The following RBFOX1 variants were observed in gnomAD, a reference collection of about 807,000 sequenced individuals.
RBFOX1 encodes the protein RNA binding fox-1 homolog 1.
Under a neutral mutation model 57.7 loss-of-function variants are expected in RBFOX1, and 8 were observed. That is an observed-to-expected ratio of 0.14 (90% confidence interval 0.08 to 0.25). The LOEUF (loss-of-function observed/expected upper bound fraction) is 0.25, where lower values mean the gene tolerates loss of function less well. Ranked by LOEUF, RBFOX1 falls within the 10% of genes least tolerant of loss-of-function variation. The pLI, the probability that RBFOX1 is intolerant of heterozygous loss-of-function variation, is 1.00. For synonymous variants in RBFOX1, 326 were observed against 222.4 expected (o/e 1.47, Z -4.15); for missense variants, 611 against 548.5 (o/e 1.11, Z -1.14).
At chr16:6,932,601 C>T (rs138656226) in intron 3 of RBFOX1, among the ~76,000 whole-genome samples, 15 of 152,286 alleles carry the variant, frequency 9.8e-5, no homozygotes, top group African/African-American at 1.4e-4. Flanking sequence ...CCTCATCCCA[C>T]GGGCCTGTCC....
At chr16:6,884,727 A>T (rs979634450) in intron 3 of RBFOX1, among the ~76,000 whole-genome samples, 1 of 152,098 alleles carries the variant, frequency 6.6e-6, no homozygotes, top group African/African-American at 2.4e-5. Context: ...ACGAAACCCC[A>T]TCTGTACTAA....
chr16:5,366,167 A>G, intron 1 of RBFOX1: 1 of 423,936 alleles, frequency 2.4e-6, no homozygotes, highest in Non-Finnish European at 4.6e-6. Flanking sequence ...ATGCAGAGTC[A>G]GAAGACGAAG....
chr16:7,268,183 C>T (rs900993490), intron 4 of RBFOX1, among the ~76,000 whole-genome samples: 2 of 152,200 alleles, frequency 1.3e-5, no homozygotes, highest in African/African-American at 2.4e-5. Flanking sequence ...AAAAATACTG[C>T]ATTAACGTCT....
At chr16:6,558,350 T>C (rs753711021) in intron 2 of RBFOX1, among the ~76,000 whole-genome samples, 9 of 152,162 alleles carry the variant, frequency 5.9e-5, no homozygotes, top group Non-Finnish European at 1.2e-4. Context: ...CTGGCACCCC[T>C]GCTGAGATCA....
At chr16:6,104,527 T>C (rs564067371) in intron 1 of RBFOX1, among the ~76,000 whole-genome samples, 1 of 152,194 alleles carries the variant, frequency 6.6e-6, no homozygotes, top group Non-Finnish European at 1.5e-5. Flanking sequence ...CACTGTCCTC[T>C]CCTTAAAGAG....
chr16:6,964,047 C>T (rs1042884713), intron 3 of RBFOX1, among the ~76,000 whole-genome samples: 1 of 151,694 alleles, frequency 6.6e-6, no homozygotes, highest in East Asian at 1.9e-4. Context: ...AACATGAAGT[C>T]TTGCTCTGTC....
chr16:6,638,746 C>G (rs529593252), intron 2 of RBFOX1, among the ~76,000 whole-genome samples: 4 of 152,154 alleles, frequency 2.6e-5, no homozygotes, highest in African/African-American at 7.2e-5. Flanking sequence ...ACAAAAGAGA[C>G]TTCTCTTCGC....
intron 10 of RBFOX1, among the ~76,000 whole-genome samples, chr16:7,622,206 A>G (rs1000300930): frequency 6.6e-6 from 1 of 152,090 alleles, no homozygotes; most frequent in East Asian, 1.9e-4. Context: ...CAGTTTCAGC[A>G]TCACGAGATC....
At chr16:5,691,611 G>C (rs539107877) in intron 3 of RBFOX1, among the ~76,000 whole-genome samples, 23 of 152,248 alleles carry the variant, frequency 1.5e-4, no homozygotes, top group Non-Finnish European at 2.6e-4. Context: ...TATCAGTTGA[G>C]CATCTCTAAT....
intron 4 of RBFOX1, among the ~76,000 whole-genome samples, chr16:7,351,760 C>G (rs2097133913): frequency 6.6e-6 from 1 of 152,256 alleles, no homozygotes; most frequent in Non-Finnish European, 1.5e-5. Context: ...TACTGTGGTA[C>G]AAGGAATGTG....
intron 1 of RBFOX1, among the ~76,000 whole-genome samples, chr16:6,262,593 C>A (rs1434835670): frequency 6.6e-6 from 1 of 152,178 alleles, no homozygotes; most frequent in Non-Finnish European, 1.5e-5. Flanking sequence ...TCTTTCCCAA[C>A]AATTGATTGC....
intron 2 of RBFOX1, among the ~76,000 whole-genome samples, chr16:6,386,508 A>G (rs1042305637): frequency 6.6e-6 from 1 of 152,326 alleles, no homozygotes; most frequent in South Asian, 2.1e-4. Flanking sequence ...ACCAAACATG[A>G]TTCCTGCACC....
At chr16:7,185,444 A>G (rs2083524867) in intron 4 of RBFOX1, among the ~76,000 whole-genome samples, 2 of 152,202 alleles carry the variant, frequency 1.3e-5, no homozygotes, top group Non-Finnish European at 2.9e-5. Flanking sequence ...TTGTCTGCAA[A>G]TGGTAAGACT....
chr16:7,522,980 G>A (rs924776815), intron 5 of RBFOX1, among the ~76,000 whole-genome samples: 2 of 151,806 alleles, frequency 1.3e-5, no homozygotes, highest in African/African-American at 4.8e-5. Flanking sequence ...GCTCTTTTTT[G>A]ATCCTCCCCT....
chr16:6,824,840 G>C (rs1318864375), intron 3 of RBFOX1, among the ~76,000 whole-genome samples: 2 of 151,830 alleles, frequency 1.3e-5, no homozygotes, highest in Admixed American at 1.3e-4. Context: ...ATGTGGATTG[G>C]AAAGAAACAC....
At chr16:6,846,602 G>A (rs952664446) in intron 3 of RBFOX1, among the ~76,000 whole-genome samples, 40 of 152,288 alleles carry the variant, frequency 2.6e-4, no homozygotes, top group African/African-American at 9.4e-4. Flanking sequence ...GGAAACGCAC[G>A]AAGACCTTTG....
At chr16:6,688,316 T>C (rs1485035295) in intron 3 of RBFOX1, among the ~76,000 whole-genome samples, 1 of 152,092 alleles carries the variant, frequency 6.6e-6, no homozygotes, top group East Asian at 1.9e-4. Flanking sequence ...ACTAGGGAGA[T>C]GGTGCTAAAC....
chr16:6,567,255 C>A (rs556299970), intron 2 of RBFOX1, among the ~76,000 whole-genome samples: 1 of 152,132 alleles, frequency 6.6e-6, no homozygotes, highest in Admixed American at 6.5e-5. Context: ...CATTCAGATA[C>A]GGTATCTTAT....
intron 14 of RBFOX1, among the ~76,000 whole-genome samples, chr16:7,698,551 A>G (rs2079567381): frequency 6.6e-6 from 1 of 152,184 alleles, no homozygotes; most frequent in Non-Finnish European, 1.5e-5. Flanking sequence ...TGCCAGCTAC[A>G]TTAAAACTTT....
Sources: allele counts gnomAD v4.1 joint callset (sites outside exome capture counted in the v4.1 genomes callset), GRCh38; gene constraint gnomAD v4.1.1; transcripts MANE v1.5; gene names NCBI Gene and HGNC (gene_info 2026-07-23, HGNC 2026-07-21).